Variants in GRHL3 observed in about 807,000 individuals in gnomAD.
GRHL3 encodes grainyhead-like protein 3 homolog.
A neutral mutation model predicts 70.3 loss-of-function variants in GRHL3; 20 were observed. That is an observed-to-expected ratio of 0.28 (90% CI 0.20 to 0.41). The LOEUF is 0.41. Among genes scored for constraint, GRHL3 ranks in the 10% least tolerant of loss-of-function variants. GRHL3 has a pLI of 1.00. For synonymous variants in GRHL3, 299 were observed against 299.9 expected (o/e 1.00, Z 0.03); for missense variants, 637 against 762.3 (o/e 0.84, Z 1.94).
chr1:24,355,854 T>TA (rs1640696551), downstream of GRHL3, among the ~76,000 whole-genome samples: 1 of 152,126 alleles, frequency 6.6e-6, no homozygotes, highest in African/African-American at 2.4e-5. Context: ...TTATTTTCCT[T>TA]AGAGAACAAA....
chr1:24,330,375 A>G (rs1163520104), intron 1 of GRHL3, among the ~76,000 whole-genome samples: 2 of 152,202 alleles, frequency 1.3e-5, no homozygotes, highest in Non-Finnish European at 2.9e-5. Context: ...GTACCATTGC[A>G]TCACCCTGAA....
chr1:24,336,585 C>T lies in GRHL3; in HGVS notation c.370C>T (p.Pro124Ser). 6.2e-7 allele frequency: 1 copy of T among 1,614,034 alleles called. No individual in the cohort carries two copies. Among genetic ancestry groups the T allele is most frequent in the Non-Finnish European group, 8.5e-7 (1 of 1,179,966 alleles). ...TENVSGTPEYPDLLKKNNLMS... is the reference protein window; with the variant it reads ...TENVSGTPEYSDLLKKNNLMS... ...GAACGTGTCTGGAACCCCAGAGTACCCAGATTTGCTCAAGAAGAATAACCT... is the reference window on the plus strand; with the variant it reads ...GAACGTGTCTGGAACCCCAGAGTACTCAGATTTGCTCAAGAAGAATAACCT... Residue 124 changes from proline to serine, a missense_variant, in exon 4 of 16, where the codon CCA becomes TCA. Pro to Ser is a moderately conservative substitution (Grantham distance 74). Coordinates refer to ENST00000361548, the MANE Select transcript of GRHL3 (RefSeq NM_198173.3).
chr1:24,336,830 G>T lies in GRHL3; in HGVS notation c.612+3G>T, dbSNP rs1330650437. ...CCTTCAAAGATGACCCACAGGAGGT[G>T]AGGGCGCATCCCCGCTCCCCTATAG... On this transcript the variant is annotated splice_donor_region_variant and intron_variant, in intron 4 of 15. Coordinates refer to ENST00000361548, the MANE Select transcript of GRHL3 (RefSeq NM_198173.3). 1 of 1,592,732 alleles carries T rather than the reference G, an allele frequency of 6.3e-7. No individual in the cohort carries two copies.
intron 3 of GRHL3, among the ~76,000 whole-genome samples, chr1:24,335,014 AACACACACACACAC>A (rs35646472): frequency 6.3e-4 from 87 of 137,040 alleles, no homozygotes; most frequent in Admixed American, 2.2e-3. Context: ...TCAGCTTGAA[AACACACACACACAC>A]ACACACACAC....
In GRHL3 at chr1:24,331,607, T is replaced by C. The variant is rs1639618432; in HGVS notation, c.199T>C (p.Tyr67His). The C allele has an allele frequency of 6.2e-7, 1 of 1,612,926 alleles. No individual in the cohort carries two copies. The highest frequency in any genetic ancestry group is 1.1e-5 in the South Asian group (1 of 90,876). The part of the protein sequence containing the change: ...VAALSFLYDY[Y>H]MGPKEKRILS... ...GGCCTTGAGCTTCCTCTATGATTAC[T>C]ACATGGTACGTCTACCCCCTCTGGA... Residue 67 changes from tyrosine to histidine, a missense_variant, in exon 2 of 16, where the codon TAC becomes CAC. This residue lies in a region of GRHL3 where 250 missense variants were observed against 248.6 expected (regional missense o/e 1.01). Coordinates refer to ENST00000361548, the MANE Select transcript of GRHL3 (RefSeq NM_198173.3).
intron 12 of GRHL3, among the ~76,000 whole-genome samples, chr1:24,345,207 GC>G (rs750742351): frequency 3.8e-5 from 1 of 26,232 alleles, no homozygotes; most frequent in Admixed American, 4.7e-4. Context: ...CTACACCTGT[GC>G]CCCCTCCACA....
chr1:24,340,509 G>C (rs1639995250), intron 8 of GRHL3, among the ~76,000 whole-genome samples: 1 of 152,210 alleles, frequency 6.6e-6, no homozygotes, highest in Non-Finnish European at 1.5e-5. Flanking sequence ...CATGGGCCTC[G>C]CTGTGTCTTG....
chr1:24,347,190 C>T (rs1640321011), intron 13 of GRHL3, among the ~76,000 whole-genome samples: 2 of 152,198 alleles, frequency 1.3e-5, no homozygotes, highest in Non-Finnish European at 2.9e-5. Flanking sequence ...GACAGAGCCT[C>T]CATTTTACAT....
intron 15 of GRHL3, chr1:24,361,013 G>C (rs551473023): frequency 6.2e-7 from 1 of 1,611,772 alleles, no homozygotes; most frequent in Admixed American, 1.7e-5. Flanking sequence ...GGCGAAGGCT[G>C]AGCAGAGAAG....
chr1:24,343,257 C>T (rs1436084328), intron 11 of GRHL3: 3 of 515,904 alleles, frequency 5.8e-6, no homozygotes, highest in Non-Finnish European at 3.5e-6. Flanking sequence ...TTAAAACGTT[C>T]ATGCTTAGGG....
downstream of GRHL3, chr1:24,357,869 GA>G: frequency 3.2e-6 from 1 of 308,534 alleles, no homozygotes; most frequent in Non-Finnish European, 6.4e-6. Context: ...GAAAGTCAGG[GA>G]AAAGCGCAGC....
At chr1:24,339,940 G>T (rs950325815) in intron 8 of GRHL3, among the ~76,000 whole-genome samples, 178 bp downstream of exon 8, 2 of 152,196 alleles carry the variant, frequency 1.3e-5, no homozygotes, top group Non-Finnish European at 2.9e-5. Flanking sequence ...GGCTGGGTCC[G>T]CATCCCACCC....
In GRHL3 at chr1:24,342,916, G is replaced by T. The variant is rs1640103836; in HGVS notation, c.1310G>T (p.Gly437Val). 1 of 1,614,180 alleles carries T rather than the reference G, an allele frequency of 6.2e-7. No individual in the cohort carries two copies. Among genetic ancestry groups the T allele is most frequent in the Non-Finnish European group, 8.5e-7 (1 of 1,180,032 alleles). ...GGCGTCAAGGGCTGCCTGCTGTCGGGCTTCAGGGGCAATGAGACGACCTAC... is the reference window on the plus strand; with the variant it reads ...GGCGTCAAGGGCTGCCTGCTGTCGGTCTTCAGGGGCAATGAGACGACCTAC... ...NSGVKGCLLS[G>V]FRGNETTYLR... is the part of the protein sequence containing the mutation. The change falls in exon 11 of 16, where the codon GGC becomes GTC. Residue 437 changes from glycine (G) to valine (V), a missense_variant. Coordinates refer to ENST00000361548, the MANE Select transcript of GRHL3 (RefSeq NM_198173.3). This position sits in a 1 kb window ranked among gnomAD's most constrained non-coding sequence, Gnocchi z 4.8.
intron 15 of GRHL3, among the ~76,000 whole-genome samples, chr1:24,363,886 C>T (rs1470928144): frequency 2.0e-5 from 3 of 152,154 alleles, no homozygotes; most frequent in Admixed American, 6.5e-5. Flanking sequence ...AGGAGACAGA[C>T]GCTGAGCACC....
intron 15 of GRHL3, among the ~76,000 whole-genome samples, chr1:24,352,907 C>T (rs548080505): frequency 9.2e-5 from 14 of 152,286 alleles, no homozygotes; most frequent in African/African-American, 3.1e-4. Flanking sequence ...TTCCTGAGAG[C>T]GGCAGGGAGA....
At chr1:24,341,281 A>G (rs148274349) in intron 8 of GRHL3, among the ~76,000 whole-genome samples, 2 of 152,250 alleles carry the variant, frequency 1.3e-5, no homozygotes, top group Non-Finnish European at 2.9e-5. Context: ...CGGTTATAAC[A>G]TATCAAGCCT....
downstream of GRHL3, chr1:24,356,993 A>C (rs1256400630): frequency 2.0e-5 from 3 of 152,190 alleles, no homozygotes; most frequent in African/African-American, 7.2e-5. Flanking sequence ...AGGGGTACCC[A>C]AAAGCTCAAT....
rs1373380523 is a variant in GRHL3 at position 24,334,253 on chromosome 1, G to T, written c.205-392G>T. On this transcript the variant is annotated intron_variant, in intron 2 of 15. Transcript: ENST00000361548. This position sits in a 1 kb window ranked among gnomAD's most constrained non-coding sequence, Gnocchi z 4.3. ...GACTGGGTAATTTTTAAAGGAAAGA[G>T]GTTTAATTGACTCACAGTTCAGCAT... 6.6e-6 allele frequency among the ~76,000 whole-genome samples: 1 copy of T among 152,184 alleles called. No homozygotes were observed. Among genetic ancestry groups the T allele is most frequent in the African/African-American group, 2.4e-5 (1 of 41,430 alleles).
chr1:24,336,707 G>C lies in GRHL3; in HGVS notation c.492G>C (p.Leu164=). 6.2e-7 allele frequency: 1 copy of C among 1,614,148 alleles called. No homozygotes were observed. The highest frequency in any genetic ancestry group is 1.1e-5 in the South Asian group (1 of 91,084). ...AGGCCGGCTCTGTGGACAGCTACCTGTTACCCACCACTGATATGTATGATA... is the reference window on the plus strand; with the variant it reads ...AGGCCGGCTCTGTGGACAGCTACCTCTTACCCACCACTGATATGTATGATA... ...KLEAGSVDSY[L]LPTTDMYDNG... Residue 164 remains leucine (L), a synonymous_variant, in exon 4 of 16, where the codon CTG becomes CTC. Coordinates refer to ENST00000361548, the MANE Select transcript of GRHL3 (RefSeq NM_198173.3).
Sources: gnomAD v4.1 joint callset for allele counts (sites outside exome capture counted in the v4.1 genomes callset) on GRCh38, gnomAD v4.1.1 for gene constraint, gnomAD v4.1.1 regional missense constraint, Gnocchi (gnomAD v3.1) non-coding constraint, MANE v1.5 for transcripts, NCBI Gene and HGNC (gene_info 2026-07-23, HGNC 2026-07-21) for gene names.